GALNT17: variants seen among roughly 807,000 people sequenced by gnomAD.
The protein encoded by GALNT17 is UDP-GalNAc:polypeptide N-acetylgalactosaminyltransferase-like 3.
A neutral mutation model predicts 63.7 loss-of-function variants in GALNT17; 29 were observed. That is an observed-to-expected ratio of 0.46 (90% CI 0.34 to 0.62). The LOEUF is 0.62. GALNT17 is among the 20% of genes least tolerant of loss of function. GALNT17 has a pLI of 0.01. For missense variants in GALNT17, 603 were observed against 799.6 expected (o/e 0.75, Z 2.97); for synonymous variants, 305 against 318.3 (o/e 0.96, Z 0.45).
At chr7:71,252,027 T>A (rs1191070811) in intron 1 of GALNT17, among the ~76,000 whole-genome samples, 1 of 152,082 alleles carries the variant, frequency 6.6e-6, no homozygotes, top group African/African-American at 2.4e-5. Flanking sequence ...CCCTGCTGCC[T>A]CCTCCGGGAC....
At chr7:71,691,937 A>C (rs1483710356) in intron 9 of GALNT17, among the ~76,000 whole-genome samples, 6 of 147,202 alleles carry the variant, frequency 4.1e-5, no homozygotes, top group Non-Finnish European at 8.9e-5. Flanking sequence ...TTTTTGAAAG[A>C]GTCTGTTTCT....
chr7:71,627,809 G>A lies in GALNT17; in HGVS notation c.1081-37602G>A, dbSNP rs541520201. The stretch of plus-strand genomic sequence containing the variant: ...CAACTGCCAAGAACAATGCCCCCCC[G>A]CCCCATAGACTTGTACATCCCTCCT... On this transcript the variant is annotated intron_variant, in intron 6 of 10. Coordinates refer to ENST00000333538, the MANE Select transcript of GALNT17 (RefSeq NM_022479.3). Among the ~76,000 whole-genome samples, 109 of 152,052 alleles carry A rather than the reference G, an allele frequency of 7.2e-4. 1 individual carries two copies. The highest frequency in any genetic ancestry group is 2.5e-3 in the African/African-American group (104 of 41,454).
chr7:71,345,504 G>T (rs2116148263), intron 2 of GALNT17, among the ~76,000 whole-genome samples: 1 of 152,282 alleles, frequency 6.6e-6, no homozygotes, highest in East Asian at 1.9e-4. Context: ...GACAATGTCT[G>T]CTTTGGATGC....
At position 71,390,755 on chromosome 7, in the gene GALNT17, T is replaced by C. The variant is rs865846699; in HGVS notation, c.589+2354T>C. Reference sequence around the variant, plus strand: ...CATCAGCCTTCTAAGTCCCACCTGTTTCCCAGCTGTCTCCAGCAGAGCACT... The same window carrying C: ...CATCAGCCTTCTAAGTCCCACCTGTCTCCCAGCTGTCTCCAGCAGAGCACT... On this transcript the variant is annotated intron_variant, in intron 3 of 10. Coordinates refer to ENST00000333538, the MANE Select transcript of GALNT17 (RefSeq NM_022479.3). 3.1e-4 allele frequency among the ~76,000 whole-genome samples: 47 copies of C among 152,286 alleles called. No homozygotes were observed. The Middle Eastern group carries it at 0.014, about 44-fold the overall frequency.
chr7:71,665,689 A>C (rs1790975063), intron 7 of GALNT17, 93 bp downstream of exon 7: 2 of 1,429,236 alleles, frequency 1.4e-6, no homozygotes, highest in Non-Finnish European at 1.9e-6. Flanking sequence ...TCCTCCCCAG[A>C]AAATGCTCAT....
intron 1 of GALNT17, among the ~76,000 whole-genome samples, chr7:71,250,561 C>T (rs1300923292): frequency 2.0e-5 from 3 of 152,122 alleles, no homozygotes; most frequent in Admixed American, 1.3e-4. Context: ...TAAGCTCGCC[C>T]CAAAACCCTT....
intron 2 of GALNT17, among the ~76,000 whole-genome samples, chr7:71,377,114 A>ATAAATAT (rs1554362120): frequency 1.7e-5 from 1 of 57,486 alleles, no homozygotes; most frequent in African/African-American, 9.4e-5. Flanking sequence ...AAATAAAAAA[A>ATAAATAT]ATATATATAT....
chr7:71,518,796 G>A (rs1788483027), intron 5 of GALNT17, among the ~76,000 whole-genome samples: 1 of 152,138 alleles, frequency 6.6e-6, no homozygotes, highest in Non-Finnish European at 1.5e-5. Flanking sequence ...GATTCTCTGG[G>A]TTCCAGTAAA....
At position 71,555,010 on chromosome 7, in the gene GALNT17, A is replaced by G. The variant is rs78168873; in HGVS notation, c.963-16275A>G. Among the ~76,000 whole-genome samples, 1,036 of 152,302 alleles carry G rather than the reference A, an allele frequency of 6.8e-3. 12 individuals are homozygous for G. Among genetic ancestry groups the G allele is most frequent in the African/African-American group, 0.023 (948 of 41,554 alleles). ...TTGGCTTCTGGTGAAGGCTTCAGAC[A>G]TCTTCAGTCATAGTGGAAGGGGAAG... On this transcript the variant is annotated intron_variant, in intron 5 of 10. Coordinates refer to ENST00000333538, the MANE Select transcript of GALNT17 (RefSeq NM_022479.3).
In GALNT17 at chr7:71,377,111, AAAAATATATATATAT is replaced by A. The variant is rs1563047560; in HGVS notation, c.423-11122_423-11108del. The stretch of plus-strand genomic sequence containing the variant: ...AAAAAAAAAAAAAAATAAAAATAAA[AAAAATATATATATAT>A]ATATATATATATATAAAATCTCCTT... On this transcript the variant is annotated intron_variant, in intron 2 of 10. Transcript: ENST00000333538. Among the ~76,000 whole-genome samples the A allele has an allele frequency of 6.5e-4, 51 of 78,722 alleles. 2 individuals are homozygous for A. Among genetic ancestry groups the A allele is most frequent in the East Asian group, 2.2e-3 (6 of 2,780 alleles). 51.6% of individuals were successfully genotyped at this position (78,722 alleles called of 152,430 possible). A position where few individuals can be genotyped will look rare whatever the true frequency, so the allele number is the denominator to read the frequency against.
intron 9 of GALNT17, among the ~76,000 whole-genome samples, chr7:71,693,714 A>G (rs532766394): frequency 7.9e-5 from 12 of 151,906 alleles, no homozygotes; most frequent in East Asian, 5.8e-4. Flanking sequence ...AATGGGTACT[A>G]GGCTTAATAC....
At chr7:71,253,622 C>T (rs1033558352) in intron 1 of GALNT17, among the ~76,000 whole-genome samples, 1 of 151,390 alleles carries the variant, frequency 6.6e-6, no homozygotes, top group African/African-American at 2.4e-5. Flanking sequence ...ACTGATATTT[C>T]CTGTGGTTTT....
chr7:71,388,552 A>T, intron 3 of GALNT17, 151 bp downstream of exon 3: 1 of 996,592 alleles, frequency 1.0e-6, no homozygotes, highest in East Asian at 2.8e-5. Context: ...TTTGAGATGG[A>T]GTCTTGCTGT....
At chr7:71,419,049 A>G (rs1786608963) in intron 4 of GALNT17, among the ~76,000 whole-genome samples, 1 of 152,152 alleles carries the variant, frequency 6.6e-6, no homozygotes, top group Non-Finnish European at 1.5e-5. Flanking sequence ...CCATTGCACT[A>G]TAGCCTGAGA....
intron 1 of GALNT17, among the ~76,000 whole-genome samples, chr7:71,211,774 A>G (rs543511963): frequency 6.6e-6 from 1 of 152,298 alleles, no homozygotes; most frequent in South Asian, 2.1e-4. Context: ...TAGCTAAGAG[A>G]CTGGCAACAT....
intron 6 of GALNT17, among the ~76,000 whole-genome samples, chr7:71,585,266 A>T (rs1246890212): frequency 6.6e-6 from 1 of 152,152 alleles, no homozygotes; most frequent in African/African-American, 2.4e-5. Context: ...CAGCAGGTTC[A>T]GGTGTTGTCA....
chr7:71,323,107 AATG>A (rs1260095904), intron 1 of GALNT17, among the ~76,000 whole-genome samples: 2 of 152,234 alleles, frequency 1.3e-5, no homozygotes, highest in Non-Finnish European at 2.9e-5. Context: ...ATTACATGAT[AATG>A]ATATGTCTTG....
intron 2 of GALNT17, among the ~76,000 whole-genome samples, chr7:71,366,697 T>C (rs1412443489): frequency 1.3e-5 from 2 of 152,188 alleles, no homozygotes; most frequent in Non-Finnish European, 2.9e-5. Context: ...TTCTTATGCA[T>C]GAATATGTTA....
chr7:71,428,715 G>A (rs535896638), intron 5 of GALNT17, among the ~76,000 whole-genome samples: 7 of 152,278 alleles, frequency 4.6e-5, no homozygotes, highest in Admixed American at 1.3e-4. Context: ...GGGATTACAG[G>A]CATGAGCCAC....
Sources: allele counts gnomAD v4.1 joint callset (sites outside exome capture counted in the v4.1 genomes callset), GRCh38; gene constraint gnomAD v4.1.1; transcripts MANE v1.5; gene names NCBI Gene and HGNC (gene_info 2026-07-23, HGNC 2026-07-21).